The following SCRG1 variants were observed in gnomAD, a reference collection of about 807,000 sequenced individuals.
The protein encoded by SCRG1 is stimulator of chondrogenesis 1, also known as scrapie-responsive protein 1.
In SCRG1, 3 loss-of-function variants were observed where a neutral mutation model predicts 7.7. The observed-to-expected ratio is 0.39, with a 90% confidence interval of 0.18 to 1.01. SCRG1 has a LOEUF of 1.01. Among genes scored for constraint, SCRG1 ranks in the 50% least tolerant of loss-of-function variants. The pLI is 0.36. For synonymous variants in SCRG1, 46 were observed against 41.2 expected (o/e 1.12, Z -0.44); for missense variants, 110 against 117.2 (o/e 0.94, Z 0.28).
the SCRG1 span, among the ~76,000 whole-genome samples, chr4:173,485,115 A>AATATATT: frequency 5.6e-5 from 1 of 17,878 alleles, no homozygotes; most frequent in African/African-American, 1.3e-4. Flanking sequence ...TATATTATAT[A>AATATATT]ATATATAATA....
the SCRG1 span, among the ~76,000 whole-genome samples, chr4:173,496,253 A>G: frequency 4.6e-5 from 7 of 152,130 alleles, no homozygotes; most frequent in Admixed American, 4.6e-4. Flanking sequence ...AGGGTACATT[A>G]ACAGTAGGAG....
chr4:173,518,700 C>A, the SCRG1 span, among the ~76,000 whole-genome samples: 1 of 152,178 alleles, frequency 6.6e-6, no homozygotes, highest in Admixed American at 6.5e-5. Flanking sequence ...TTAGCCCCTG[C>A]GCCCCCTTTT....
At chr4:173,509,862 C>T in the SCRG1 span, among the ~76,000 whole-genome samples, 1 of 152,172 alleles carries the variant, frequency 6.6e-6, no homozygotes, top group Non-Finnish European at 1.5e-5. The surrounding 1 kb of genome is among the most constrained non-coding windows in gnomAD (Gnocchi z 5.7). Context: ...CCGAGGCGGC[C>T]GGGGAGATTC....
the SCRG1 span, among the ~76,000 whole-genome samples, chr4:173,509,756 TGAAA>T: frequency 3.3e-5 from 5 of 151,964 alleles, no homozygotes; most frequent in Admixed American, 6.5e-5. This position sits in a 1 kb window ranked among gnomAD's most constrained non-coding sequence, Gnocchi z 5.7. Flanking sequence ...ATCCAGGAGC[TGAAA>T]GAGATTCCTC....
intron 1 of SCRG1, among the ~76,000 whole-genome samples, chr4:173,392,032 T>A (rs1739464232): frequency 1.3e-5 from 2 of 152,184 alleles, no homozygotes; most frequent in African/African-American, 4.8e-5. Context: ...GAACAACTGT[T>A]TTTTAAGGTG....
At chr4:173,441,360 G>A in the SCRG1 span, among the ~76,000 whole-genome samples, 145,648 of 152,246 alleles carry the variant, frequency 0.96, 70,001 homozygotes, top group South Asian at 1. Context: ...TAATCCAGGC[G>A]ATCCTACTGT....
At chr4:173,494,543 A>G in the SCRG1 span, among the ~76,000 whole-genome samples, 1 of 152,222 alleles carries the variant, frequency 6.6e-6, no homozygotes, top group Non-Finnish European at 1.5e-5. Context: ...CAGCTCTAGC[A>G]GGGGTTGAGG....
At chr4:173,482,991 T>C in the SCRG1 span, among the ~76,000 whole-genome samples, 1 of 132,446 alleles carries the variant, frequency 7.6e-6, no homozygotes, top group Middle Eastern at 3.4e-3. Flanking sequence ...ATATATTATA[T>C]ATTTCATATG....
chr4:173,460,683 G>A, the SCRG1 span, among the ~76,000 whole-genome samples: 3 of 152,162 alleles, frequency 2.0e-5, no homozygotes, highest in East Asian at 5.8e-4. Flanking sequence ...GTACTACATC[G>A]AGGGCCTTGG....
the SCRG1 span, among the ~76,000 whole-genome samples, chr4:173,501,841 G>A: frequency 6.6e-6 from 1 of 152,172 alleles, no homozygotes; most frequent in East Asian, 1.9e-4. This position sits in a 1 kb window ranked among gnomAD's most constrained non-coding sequence, Gnocchi z 5.1. Context: ...AGGAACCACC[G>A]CGCGTCTTTG....
chr4:173,390,028 C>CA (rs1379535754), intron 2 of SCRG1: 2 of 249,044 alleles, frequency 8.0e-6, no homozygotes, highest in East Asian at 1.9e-4. Flanking sequence ...TATCTACCAT[C>CA]ATTTTATACC....
chr4:173,486,820 G>A, the SCRG1 span, among the ~76,000 whole-genome samples: 1 of 152,136 alleles, frequency 6.6e-6, no homozygotes, highest in Non-Finnish European at 1.5e-5. Flanking sequence ...GTGTGTGTCT[G>A]GCAGTGACCA....
the SCRG1 span, among the ~76,000 whole-genome samples, chr4:173,511,421 G>A: frequency 3.3e-5 from 5 of 152,042 alleles, no homozygotes; most frequent in Admixed American, 6.6e-5. This position sits in a 1 kb window ranked among gnomAD's most constrained non-coding sequence, Gnocchi z 5.2. Context: ...CCTCTATACC[G>A]TTTTTTGTTT....
the SCRG1 span, among the ~76,000 whole-genome samples, chr4:173,493,630 A>T: frequency 2.0e-5 from 3 of 151,874 alleles, no homozygotes; most frequent in African/African-American, 7.3e-5. Context: ...AAAAAAAAAA[A>T]AAAGCAGCAT....
the SCRG1 span, among the ~76,000 whole-genome samples, chr4:173,464,112 A>G: frequency 1.6e-5 from 2 of 123,012 alleles, no homozygotes; most frequent in Admixed American, 8.5e-5. Flanking sequence ...TCTAAAAGAT[A>G]TTATTAGCAT....
At chr4:173,408,543 T>G (rs1739968567), upstream of SCRG1, among the ~76,000 whole-genome samples, 1 of 152,206 alleles carries the variant, frequency 6.6e-6, no homozygotes, top group Non-Finnish European at 1.5e-5. Flanking sequence ...TAAGCTATCT[T>G]ATGTCTATGG....
At chr4:173,516,037 G>A in the SCRG1 span, among the ~76,000 whole-genome samples, 1 of 152,064 alleles carries the variant, frequency 6.6e-6, no homozygotes, top group Non-Finnish European at 1.5e-5. Context: ...TGCCCCTCGG[G>A]GGCCAATGCT....
At chr4:173,460,124 A>G in the SCRG1 span, among the ~76,000 whole-genome samples, 1 of 152,220 alleles carries the variant, frequency 6.6e-6, no homozygotes, top group African/African-American at 2.4e-5. Flanking sequence ...CGTAAGAACC[A>G]AAACTCAGGT....
the SCRG1 span, among the ~76,000 whole-genome samples, chr4:173,422,715 A>C: frequency 6.6e-6 from 1 of 152,352 alleles, no homozygotes; most frequent in Non-Finnish European, 1.5e-5. Context: ...GAAAAGGGAC[A>C]GGAGATTAAC....
Sources: gnomAD v4.1 joint callset for allele counts (sites outside exome capture counted in the v4.1 genomes callset) on GRCh38, gnomAD v4.1.1 for gene constraint, Gnocchi (gnomAD v3.1) non-coding constraint, MANE v1.5 for transcripts, NCBI Gene and HGNC (gene_info 2026-07-23, HGNC 2026-07-21) for gene names.